The following NCALD variants were observed in gnomAD, a reference collection of about 807,000 sequenced individuals.
The protein encoded by NCALD is neurocalcin-delta.
NCALD carries 10 observed loss-of-function variants against 18.6 expected under a neutral mutation model. The observed-to-expected ratio is 0.54, with a 90% CI of 0.33 to 0.91. The LOEUF (loss-of-function observed/expected upper bound fraction) is 0.91, where lower values mean the gene tolerates loss of function less well. Ranked by LOEUF, NCALD falls within the 40% of genes least tolerant of loss-of-function variation. The pLI is 0.03. For missense variants in NCALD, 184 were observed against 247.6 expected, an observed-to-expected ratio of 0.74 and a Z score of 1.72; for synonymous variants, 88 against 87.4, an observed-to-expected ratio of 1.01 and a Z score of -0.04.
chr8:101,734,367 G>A (rs1312371487), intron 1 of NCALD, among the ~76,000 whole-genome samples: 1 of 152,128 alleles, frequency 6.6e-6, no homozygotes, highest in Non-Finnish European at 1.5e-5. Flanking sequence ...TTGTGCTTAG[G>A]AAAAGCATTT....
intron 4 of NCALD, among the ~76,000 whole-genome samples, chr8:101,868,523 C>T (rs1429579395): frequency 1.3e-5 from 2 of 152,188 alleles, no homozygotes; most frequent in East Asian, 3.9e-4. Flanking sequence ...CCCATTTCTG[C>T]CTGGCAGATG....
chr8:101,843,428 G>A (rs1479636879), intron 4 of NCALD, among the ~76,000 whole-genome samples: 2 of 152,048 alleles, frequency 1.3e-5, no homozygotes, highest in East Asian at 1.9e-4. Flanking sequence ...TTCTGAGTAT[G>A]TGCATGTACA....
chr8:101,714,866 G>A (rs561139904), intron 2 of NCALD, among the ~76,000 whole-genome samples: 10 of 150,720 alleles, frequency 6.6e-5, no homozygotes, highest in Non-Finnish European at 1.0e-4. Context: ...GCGCGGTGGC[G>A]GGCACCTGTA....
At chr8:101,966,383 C>T (rs1304717122) in intron 2 of NCALD, among the ~76,000 whole-genome samples, 1 of 148,366 alleles carries the variant, frequency 6.7e-6, no homozygotes, top group Non-Finnish European at 1.5e-5. Flanking sequence ...TCGCAGGGAC[C>T]AAAAAACCAA....
At chr8:101,952,759 T>C (rs1226111612) in intron 2 of NCALD, among the ~76,000 whole-genome samples, 1 of 152,218 alleles carries the variant, frequency 6.6e-6, no homozygotes, top group Non-Finnish European at 1.5e-5. Context: ...TGGATGGCAC[T>C]GCATAGTTCC....
intron 4 of NCALD, among the ~76,000 whole-genome samples, chr8:101,875,095 T>C (rs1044520581): frequency 6.6e-6 from 1 of 152,178 alleles, no homozygotes; most frequent in Non-Finnish European, 1.5e-5. Flanking sequence ...CGGGAAGTAG[T>C]CTAGACAGTC....
intron 2 of NCALD, among the ~76,000 whole-genome samples, chr8:102,005,407 G>T (rs1821662317): frequency 6.6e-6 from 1 of 152,172 alleles, no homozygotes; most frequent in Non-Finnish European, 1.5e-5. Flanking sequence ...GGAGAAATAG[G>T]AAGACTTTTA....
intron 2 of NCALD, among the ~76,000 whole-genome samples, chr8:101,707,201 T>A (rs1815569571): frequency 6.6e-6 from 1 of 152,190 alleles, no homozygotes; most frequent in African/African-American, 2.4e-5. Flanking sequence ...ACAGAGTGTC[T>A]ATTTAGAACA....
intron 1 of NCALD, among the ~76,000 whole-genome samples, chr8:102,060,796 C>T (rs932968774): frequency 1.2e-4 from 18 of 152,136 alleles, no homozygotes; most frequent in African/African-American, 4.3e-4. Flanking sequence ...TTCACTTCTT[C>T]ACCAGAAGTA....
chr8:101,996,275 T>G (rs968908916), intron 2 of NCALD, among the ~76,000 whole-genome samples: 4 of 152,242 alleles, frequency 2.6e-5, no homozygotes, highest in African/African-American at 9.6e-5. Flanking sequence ...GTTTCCAGGC[T>G]GTATGCCTTA....
At chr8:101,784,939 C>G (rs1434962816) in intron 1 of NCALD, among the ~76,000 whole-genome samples, 1 of 152,068 alleles carries the variant, frequency 6.6e-6, no homozygotes, top group Non-Finnish European at 1.5e-5. Flanking sequence ...GACAACAAAA[C>G]CAATTATTTT....
chr8:101,894,507 A>G (rs1450658926), intron 3 of NCALD, among the ~76,000 whole-genome samples: 354 of 143,376 alleles, frequency 2.5e-3, no homozygotes, highest in Middle Eastern at 7.1e-3. Flanking sequence ...AGAAATAACT[A>G]AAATCAGAGC....
chr8:101,973,249 T>A lies in NCALD; in HGVS notation c.-157+46988A>T, dbSNP rs117842647. Among the ~76,000 whole-genome samples the A allele has an allele frequency of 4.2e-3, 634 of 152,308 alleles. 1 individual carries two copies. The highest frequency in any genetic ancestry group is 6.4e-3 in the Non-Finnish European group (435 of 68,014). On this transcript the variant is annotated intron_variant, in intron 2 of 6. Coordinates refer to the NCALD transcript ENST00000311028. ...ATCCCATCTAGGATACCACATTACA[T>A]TTATCATTATGTCTCCATAGGCTCC...
At chr8:101,999,970 C>T (rs548472931) in intron 2 of NCALD, among the ~76,000 whole-genome samples, 35 of 152,234 alleles carry the variant, frequency 2.3e-4, no homozygotes, top group Admixed American at 1.0e-3. Context: ...ACGCAGAAGA[C>T]GAACGATTTC....
chr8:101,916,938 T>C (rs1817990167), intron 2 of NCALD, among the ~76,000 whole-genome samples: 1 of 151,838 alleles, frequency 6.6e-6, no homozygotes, highest in Non-Finnish European at 1.5e-5. Context: ...TGTCAGATCA[T>C]CAAGGCAGAA....
At chr8:101,846,182 T>A (rs900780005) in intron 4 of NCALD, among the ~76,000 whole-genome samples, 42 of 152,188 alleles carry the variant, frequency 2.8e-4, no homozygotes, top group African/African-American at 9.6e-4. Flanking sequence ...TTCTTTTGGA[T>A]CAGCAGTGGG....
intron 1 of NCALD, among the ~76,000 whole-genome samples, chr8:101,765,641 T>C (rs1485483350): frequency 6.6e-6 from 1 of 152,108 alleles, no homozygotes; most frequent in Non-Finnish European, 1.5e-5. Flanking sequence ...TGTGTGTATG[T>C]TGGGGAGGAG....
intron 3 of NCALD, among the ~76,000 whole-genome samples, chr8:101,889,222 G>A (rs936956820): frequency 1.3e-5 from 2 of 152,206 alleles, no homozygotes; most frequent in East Asian, 3.8e-4. Context: ...TGCTGTGAAC[G>A]AAGCCTAAGC....
intron 1 of NCALD, among the ~76,000 whole-genome samples, chr8:102,120,748 T>C (rs1231912069): frequency 6.6e-6 from 1 of 152,202 alleles, no homozygotes; most frequent in Non-Finnish European, 1.5e-5. Context: ...AAATATCTCC[T>C]GAAAAATTAT....
Sources: allele counts gnomAD v4.1 joint callset (sites outside exome capture counted in the v4.1 genomes callset), GRCh38; gene constraint gnomAD v4.1.1; transcripts MANE v1.5; gene names NCBI Gene and HGNC (gene_info 2026-07-23, HGNC 2026-07-21).